Variants in ADK observed in about 807,000 individuals in gnomAD.
The protein encoded by ADK is adenosine kinase, also known as N6,N6-dimethyladenosine kinase.
A neutral mutation model predicts 44.7 loss-of-function variants in ADK; 24 were observed. The ratio of observed to expected loss-of-function variants is 0.54; its 90% CI spans 0.39 to 0.76. The LOEUF (loss-of-function observed/expected upper bound fraction) is 0.76. Ranked by LOEUF, ADK falls within the 30% of genes least tolerant of loss-of-function variation. The pLI is 0.00. For missense variants in ADK, 321 were observed against 425.1 expected (o/e 0.76, Z 2.15); for synonymous variants, 128 against 142.6 (o/e 0.90, Z 0.73).
chr10:74,684,177 C>A (rs550969025), intron 10 of ADK, among the ~76,000 whole-genome samples: 1 of 152,276 alleles, frequency 6.6e-6, no homozygotes, highest in Admixed American at 6.5e-5. Context: ...AATCAGTTAA[C>A]CACTTGGGAG....
intron 6 of ADK, among the ~76,000 whole-genome samples, chr10:74,495,593 G>T (rs908260461): frequency 2.0e-5 from 3 of 152,150 alleles, no homozygotes; most frequent in African/African-American, 7.2e-5. Context: ...AGGGCTATTT[G>T]GTATGTAAGT....
intron 3 of ADK, among the ~76,000 whole-genome samples, chr10:74,286,087 A>C (rs568627838): frequency 6.6e-6 from 1 of 152,062 alleles, no homozygotes; most frequent in South Asian, 2.1e-4. Context: ...GAATCTCACT[A>C]TGTTGCCCAG....
chr10:74,455,117 A>G lies in ADK; in HGVS notation c.555+56538A>G, dbSNP rs142287622. 1.7e-3 allele frequency among the ~76,000 whole-genome samples: 266 copies of G among 152,306 alleles called. 3 individuals carry two copies. The highest frequency in any genetic ancestry group is 0.017 in the East Asian group (88 of 5,182). The stretch of plus-strand genomic sequence containing the variant: ...CGTGCCTATAGGAATGATGATAATA[A>G]TATCTACTTTATAAGGATAAAATGA... On this transcript the variant is annotated intron_variant, in intron 6 of 10. Coordinates refer to ENST00000539909, the MANE Select transcript of ADK (RefSeq NM_006721.4).
chr10:74,618,679 T>TTA lies in ADK; in HGVS notation c.877+18189_877+18190dup, dbSNP rs111928164. 2.5e-4 allele frequency among the ~76,000 whole-genome samples: 38 copies of TTA among 152,320 alleles called. 2 individuals carry two copies. Among genetic ancestry groups the TTA allele is most frequent in the African/African-American group, 7.7e-4 (32 of 41,584 alleles). ...TTGGGAGTTATACTTTTTGAGTTCT[T>TTA]TATAAATGGCTTTCCATTATCTTTT... On this transcript the variant is annotated intron_variant, in intron 9 of 10. Transcript: ENST00000539909.
intron 7 of ADK, among the ~76,000 whole-genome samples, chr10:74,534,226 T>C (rs572947856): frequency 1.3e-5 from 2 of 152,322 alleles, no homozygotes; most frequent in Non-Finnish European, 2.9e-5. Context: ...TCAAGTTTTA[T>C]CTAATTAAAC....
intron 3 of ADK, among the ~76,000 whole-genome samples, chr10:74,291,813 CATA>C (rs1847450787): frequency 6.6e-6 from 1 of 150,906 alleles, no homozygotes; most frequent in East Asian, 1.9e-4. Flanking sequence ...TTATGTGTAT[CATA>C]ATGATTTCAC....
intron 2 of ADK, among the ~76,000 whole-genome samples, chr10:74,217,423 G>T (rs936743647): frequency 1.3e-4 from 20 of 152,226 alleles, no homozygotes; most frequent in Admixed American, 7.2e-4. Flanking sequence ...GCCTCTGTAG[G>T]TTGCACCTCT....
At chr10:74,160,362 A>G (rs912888533) in intron 1 of ADK, among the ~76,000 whole-genome samples, 1 of 152,226 alleles carries the variant, frequency 6.6e-6, no homozygotes, top group African/African-American at 2.4e-5. Context: ...GGGTATAAAT[A>G]TGACCACAGA....
intron 3 of ADK, among the ~76,000 whole-genome samples, chr10:74,254,642 A>G (rs747568484): frequency 4.3e-4 from 65 of 152,082 alleles, no homozygotes; most frequent in Non-Finnish European, 8.1e-4. Context: ...TACTTTTCTT[A>G]TCTAATCACA....
chr10:74,427,094 G>A (rs10824174), intron 6 of ADK, among the ~76,000 whole-genome samples: 95,583 of 152,046 alleles, frequency 0.63, 31,696 homozygotes, highest in Middle Eastern at 0.79. Context: ...AGGGAGGACA[G>A]ATTTATGAAC....
Position 74,398,478 on chromosome 10 carries a change from A to G in ADK, c.454A>G (p.Ile152Val), listed in dbSNP as rs763920505. 1.4e-5 allele frequency: 22 copies of G among 1,608,890 alleles called. No individual in the cohort carries two copies. The highest frequency in any genetic ancestry group is 1.7e-4 in the Middle Eastern group (1 of 5,998). The stretch of plus-strand genomic sequence containing the variant: ...ATTCTTTGGTTGTTTTAGGTCCCTC[A>G]TAGCTAATCTTGCTGCTGCCAATTG... ...ACITGDNRSL[I>V]ANLAAANCYK... is the part of the protein sequence containing the mutation. The change falls in exon 6 of 11, where the codon ATA (isoleucine) becomes GTA (valine). Residue 152 changes from isoleucine (I) to valine (V), a missense_variant. Ile to Val is a conservative substitution (Grantham distance 29). Transcript: ENST00000539909.
chr10:74,457,730 A>G (rs1246506276), intron 6 of ADK, among the ~76,000 whole-genome samples: 1 of 152,230 alleles, frequency 6.6e-6, no homozygotes, highest in African/African-American at 2.4e-5. Context: ...ACATGGATAA[A>G]TCTGGAAACC....
At chr10:74,550,916 T>C (rs1850013324) in intron 7 of ADK, among the ~76,000 whole-genome samples, 1 of 152,178 alleles carries the variant, frequency 6.6e-6, no homozygotes, top group South Asian at 2.1e-4. Context: ...TTGTCCAGGG[T>C]GGTCTTGAAC....
At chr10:74,677,564 T>C (rs1855436636) in intron 10 of ADK, among the ~76,000 whole-genome samples, 1 of 152,166 alleles carries the variant, frequency 6.6e-6, no homozygotes, top group South Asian at 2.1e-4. Flanking sequence ...GCTCTCCATC[T>C]CAGAAGACTA....
chr10:74,570,682 T>C (rs1416611319), intron 7 of ADK, among the ~76,000 whole-genome samples: 1 of 152,220 alleles, frequency 6.6e-6, no homozygotes, highest in Non-Finnish European at 1.5e-5. Context: ...CTTAAGGAGA[T>C]TTTGGGCTGA....
intron 4 of ADK, among the ~76,000 whole-genome samples, chr10:74,359,481 G>C (rs1217971811): frequency 6.6e-6 from 1 of 152,188 alleles, no homozygotes; most frequent in Non-Finnish European, 1.5e-5. Flanking sequence ...GCTGAAGTGG[G>C]AGGATTGCTT....
At chr10:74,618,532 G>T (rs192307523) in intron 9 of ADK, among the ~76,000 whole-genome samples, 2 of 151,980 alleles carry the variant, frequency 1.3e-5, no homozygotes, top group South Asian at 2.1e-4. Context: ...CAAGTGATCC[G>T]CCCGCCTCGG....
At chr10:74,697,022 A>C (rs57487127) in intron 10 of ADK, among the ~76,000 whole-genome samples, 1 of 152,184 alleles carries the variant, frequency 6.6e-6, no homozygotes, top group African/African-American at 2.4e-5. Context: ...CTAGATGTAT[A>C]ATAATTTAAA....
At chr10:74,579,525 C>A (rs1260538891) in intron 7 of ADK, among the ~76,000 whole-genome samples, 2 of 152,056 alleles carry the variant, frequency 1.3e-5, no homozygotes, top group African/African-American at 4.8e-5. Flanking sequence ...CAATACTGGG[C>A]AGTGATCCCT....
Sources: allele counts gnomAD v4.1 joint callset (sites outside exome capture counted in the v4.1 genomes callset), GRCh38; gene constraint gnomAD v4.1.1; transcripts MANE v1.5; gene names NCBI Gene and HGNC (gene_info 2026-07-23, HGNC 2026-07-21).